Variants in MEP1B observed in about 807,000 individuals in gnomAD.
MEP1B encodes N-benzoyl-L-tyrosyl-P-amino-benzoic acid hydrolase subunit beta.
A neutral mutation model predicts 84.6 loss-of-function variants in MEP1B; 80 were observed. That is an observed-to-expected ratio of 0.95 (90% CI 0.79 to 1.14). MEP1B has a LOEUF of 1.14. MEP1B is among the 50% of genes most tolerant of loss of function. The probability of loss-of-function intolerance (pLI) is 0.00; values close to 1 mark genes in which losing one functional copy is unlikely to be tolerated. For synonymous variants in MEP1B, 273 were observed against 288.1 expected (o/e 0.95, Z 0.53); for missense variants, 766 against 855.1 (o/e 0.90, Z 1.30).
At chr18:32,215,290 A>T in intron 12 of MEP1B, 29 bp downstream of exon 12, 1 of 1,453,402 alleles carries the variant, frequency 6.9e-7, no homozygotes, top group Non-Finnish European at 9.2e-7. Flanking sequence ...TTTTATATAA[A>T]CTAGTTTTTT....
At chr18:32,201,527 A>G (rs1464625903) in intron 5 of MEP1B, among the ~76,000 whole-genome samples, 1 of 152,216 alleles carries the variant, frequency 6.6e-6, no homozygotes, top group Non-Finnish European at 1.5e-5. Flanking sequence ...GATAAAAAGA[A>G]TAATGATGAA....
At position 32,213,323 on chromosome 18, in the gene MEP1B, T is replaced by C; in HGVS notation, c.1343T>C (p.Leu448Pro). 6.2e-7 allele frequency: 1 copy of C among 1,613,938 alleles called. No individual in the cohort carries two copies. Among genetic ancestry groups the C allele is most frequent in the Non-Finnish European group, 8.5e-7 (1 of 1,179,834 alleles). Residue 448 changes from leucine (L) to proline (P), a missense_variant, in exon 11 of 15, where the codon CTG becomes CCG. Leu to Pro is a moderately conservative substitution (Grantham distance 98). Coordinates refer to ENST00000269202, the MANE Select transcript of MEP1B (RefSeq NM_005925.3). ...TTCATTGGCAGCCCAAATGGAACTC[T>C]GTATAGCCCTCCATTTTACTCTTCT... ...TQFIGSPNGT[L>P]YSPPFYSSKG...
chr18:32,192,976 C>T (rs991675554), intron 4 of MEP1B, among the ~76,000 whole-genome samples, 159 bp downstream of exon 4: 1 of 152,122 alleles, frequency 6.6e-6, no homozygotes, highest in East Asian at 1.9e-4. Flanking sequence ...ATATTATACT[C>T]AAAGAAATGC....
rs1034219207 is a variant in MEP1B, at chr18:32,196,104, G to A, written c.250+619G>A. 3.1e-5 allele frequency: 15 copies of A among 484,848 alleles called. No homozygotes were observed. Among genetic ancestry groups the A allele is most frequent in the South Asian group, 2.0e-4 (10 of 50,106 alleles). The allele number at this position is 484,848 out of a possible 1,614,324, so 30.0% of individuals were successfully genotyped here. On this transcript the variant is annotated intron_variant, in intron 5 of 14. Coordinates refer to ENST00000269202, the MANE Select transcript of MEP1B (RefSeq NM_005925.3). The surrounding 1 kb of genome is among the most constrained non-coding windows in gnomAD (Gnocchi z 4.4). ...GGTCCTCTGGTGCCCCCGCTGGCTCGGGCTCGGTGGCCTTGGGCTCCTTGG... is the reference window on the plus strand; with the variant it reads ...GGTCCTCTGGTGCCCCCGCTGGCTCAGGCTCGGTGGCCTTGGGCTCCTTGG...
chr18:32,211,029 C>A (rs559139330), intron 10 of MEP1B, among the ~76,000 whole-genome samples: 1 of 152,076 alleles, frequency 6.6e-6, no homozygotes, highest in African/African-American at 2.4e-5. Context: ...TTTGGGAGGC[C>A]GAGGCGGTCG....
At chr18:32,194,335 A>C (rs909738824) in intron 4 of MEP1B, among the ~76,000 whole-genome samples, 2 of 151,914 alleles carry the variant, frequency 1.3e-5, no homozygotes, top group Non-Finnish European at 2.9e-5. Flanking sequence ...ACTTGTCCTT[A>C]TCTCTCACAG....
chr18:32,197,194 G>C (rs2040864090), intron 5 of MEP1B, among the ~76,000 whole-genome samples: 1 of 152,046 alleles, frequency 6.6e-6, no homozygotes, highest in African/African-American at 2.4e-5. Flanking sequence ...ATGTTAAAAA[G>C]TCAGAAGAAT....
At chr18:32,191,661 T>A (rs924752249) in intron 1 of MEP1B, among the ~76,000 whole-genome samples, 161 bp from the exon 2 acceptor site, 1 of 152,030 alleles carries the variant, frequency 6.6e-6, no homozygotes, top group African/African-American at 2.4e-5. Flanking sequence ...CAAAAAGTCA[T>A]CTTAAACTTC....
Position 32,202,891 on chromosome 18 carries a change from A to C in MEP1B, c.251-2A>C, listed in dbSNP as rs1016856535. The C allele has an allele frequency of 6.3e-7, 1 of 1,583,460 alleles. No homozygotes were observed. Among genetic ancestry groups the C allele is most frequent in the African/African-American group, 1.3e-5 (1 of 74,516 alleles). On this transcript the variant is annotated splice_acceptor_variant, in intron 5 of 14. Coordinates refer to ENST00000269202, the MANE Select transcript of MEP1B (RefSeq NM_005925.3). LOFTEE classifies it high-confidence loss of function. ...TTATTTTTGTTTGTTTTCTTCCTTC[A>C]GAAATGAATGCTAAGGGAGTTATCC...
intron 12 of MEP1B, among the ~76,000 whole-genome samples, chr18:32,215,735 A>G (rs967673796): frequency 9.9e-5 from 15 of 152,082 alleles, no homozygotes; most frequent in African/African-American, 3.6e-4. Context: ...GAGGCAGGAG[A>G]ATGGTGTGAA....
chr18:32,192,806 A>G lies in MEP1B; in HGVS notation c.160A>G (p.Arg54Gly), dbSNP rs374352864. 4 of 1,612,338 alleles carry G rather than the reference A, an allele frequency of 2.5e-6. No homozygotes were observed. Among genetic ancestry groups the G allele is most frequent in the Non-Finnish European group, 2.5e-6 (3 of 1,179,036 alleles). The stretch of plus-strand genomic sequence containing the variant: ...ACTGGATCTTTTTGAGGGTGACATC[A>G]GACTTGATAGGGTGAGTTGAAACAG... ...LGLDLFEGDI[R>G]LDRAQIRNSI... The change falls in exon 4 of 15, where the codon AGA becomes GGA. Residue 54 changes from arginine (R) to glycine (G), a missense_variant. Physicochemically the swap from Arg to Gly is moderately radical, Grantham distance 125. Coordinates refer to ENST00000269202, the MANE Select transcript of MEP1B (RefSeq NM_005925.3).
Position 32,190,042 on chromosome 18 carries a change from G to A in MEP1B, c.-29G>A. The A allele has an allele frequency of 3.1e-6, 5 of 1,590,744 alleles. No individual in the cohort carries two copies. The highest frequency in any genetic ancestry group is 4.3e-6 in the Non-Finnish European group (5 of 1,160,288). ...AGTCAATTCAACCCTGAATGTCATA[G>A]TTAGCTACTTTCAACTGGAAGCTAC... On this transcript the variant is annotated 5_prime_UTR_variant, in exon 1 of 15. Coordinates refer to ENST00000269202, the MANE Select transcript of MEP1B (RefSeq NM_005925.3).
chr18:32,201,628 G>A (rs1390805928), intron 5 of MEP1B, among the ~76,000 whole-genome samples: 2 of 152,126 alleles, frequency 1.3e-5, no homozygotes, highest in East Asian at 3.8e-4. Context: ...ATTAACATAT[G>A]TATGTTATAT....
At position 32,213,137 on chromosome 18, in the gene MEP1B, A is replaced by G. The variant is rs113156575; in HGVS notation, c.1157A>G (p.Gln386Arg). 2,530 of 1,613,620 alleles carry G rather than the reference A, an allele frequency of 1.6e-3. 7 individuals carry two copies. Among genetic ancestry groups the G allele is most frequent in the Non-Finnish European group, 1.9e-3 (2,266 of 1,179,540 alleles). The change falls in exon 11 of 15, where the codon CAA becomes CGA. Residue 386 changes from glutamine (Q) to arginine (R), a missense_variant. Coordinates refer to ENST00000269202, the MANE Select transcript of MEP1B (RefSeq NM_005925.3). Reference sequence around the variant, plus strand: ...GCAGAAATACCCACTGGGAGCTGGCAACTTTATCATGTAACATTGAAAGTG... The same window carrying G: ...GCAGAAATACCCACTGGGAGCTGGCGACTTTATCATGTAACATTGAAAGTG... Reference protein sequence around the residue: ...EIKEIPTGSWQLYHVTLKVTK... With the variant: ...EIKEIPTGSWRLYHVTLKVTK...
At chr18:32,194,557 T>C (rs907779165) in intron 4 of MEP1B, among the ~76,000 whole-genome samples, 2 of 152,002 alleles carry the variant, frequency 1.3e-5, no homozygotes, top group Non-Finnish European at 2.9e-5. Context: ...CTTAGACTCA[T>C]CAGGCTACTG....
intron 9 of MEP1B, among the ~76,000 whole-genome samples, chr18:32,209,218 G>A (rs1326746838): frequency 6.6e-6 from 1 of 152,242 alleles, no homozygotes; most frequent in Non-Finnish European, 1.5e-5. Context: ...CGGGTGCAGT[G>A]GCTCATGCCT....
chr18:32,217,609 G>T (rs2041105586), intron 13 of MEP1B, among the ~76,000 whole-genome samples, 152 bp from the exon 14 acceptor site: 2 of 152,248 alleles, frequency 1.3e-5, no homozygotes, highest in South Asian at 4.2e-4. Context: ...CTAGGTGCTA[G>T]TCTCTCTCCA....
rs10522884 is a variant in MEP1B at position 32,215,969 on chromosome 18, CAT to C, written c.1759+757_1759+758del. 3.8e-3 allele frequency among the ~76,000 whole-genome samples: 506 copies of C among 134,136 alleles called. 2 individuals carry two copies. Among genetic ancestry groups the C allele is most frequent in the Non-Finnish European group, 6.1e-3 (374 of 61,062 alleles). 88.0% of individuals were successfully genotyped at this position (134,136 alleles called of 152,430 possible). A position where few individuals can be genotyped will look rare whatever the true frequency, so the allele number is the denominator to read the frequency against. On this transcript the variant is annotated intron_variant, in intron 12 of 14. Transcript: ENST00000269202. ...ATGTACATACATGCATACATATATGCATATATATATATATATATATATATATA... is the reference window on the plus strand; with the variant it reads ...ATGTACATACATGCATACATATATGCATATATATATATATATATATATATA...
At chr18:32,190,166 A>C (rs1346877761) in intron 1 of MEP1B, 33 bp downstream of exon 1, 3 of 1,539,574 alleles carry the variant, frequency 1.9e-6, no homozygotes, top group East Asian at 4.5e-5. Context: ...ATAATTTAAA[A>C]ATTTTGGGGC....
Sources: gnomAD v4.1 joint callset for allele counts (sites outside exome capture counted in the v4.1 genomes callset) on GRCh38, gnomAD v4.1.1 for gene constraint, Gnocchi (gnomAD v3.1) non-coding constraint, MANE v1.5 for transcripts, NCBI Gene and HGNC (gene_info 2026-07-23, HGNC 2026-07-21) for gene names.